STON1: variants seen among roughly 807,000 people sequenced by gnomAD.
STON1 encodes the protein stonin 1.
Under a neutral mutation model 60.9 loss-of-function variants are expected in STON1, and 79 were observed. The observed-to-expected ratio is 1.30, with a 90% CI of 1.08 to 1.56. STON1 has a LOEUF of 1.56. STON1 is among the 40% of genes most tolerant of loss of function. The pLI is 0.00. For synonymous variants in STON1, 363 were observed against 306.9 expected (o/e 1.18, Z -1.91); for missense variants, 1,166 against 858.9 (o/e 1.36, Z -4.47).
chr2:48,567,365 C>G (rs993459264), intron 1 of STON1, among the ~76,000 whole-genome samples: 1 of 152,178 alleles, frequency 6.6e-6, no homozygotes, highest in East Asian at 1.9e-4. Context: ...CAAACTTTCG[C>G]TTTCCCCTTT....
intron 3 of STON1, among the ~76,000 whole-genome samples, chr2:48,594,755 T>C (rs1674706237): frequency 6.6e-6 from 1 of 152,116 alleles, no homozygotes; most frequent in African/African-American, 2.4e-5. Context: ...GCTGCAAAAG[T>C]AATCACGGTT....
chr2:48,545,732 C>T (rs549034533), intron 1 of STON1, among the ~76,000 whole-genome samples: 2 of 152,350 alleles, frequency 1.3e-5, no homozygotes, highest in South Asian at 2.1e-4. Flanking sequence ...CTTGACTTCT[C>T]AGTCCTTCCC....
At chr2:48,588,013 A>G (rs1394592150) in intron 2 of STON1, among the ~76,000 whole-genome samples, 4 of 152,168 alleles carry the variant, frequency 2.6e-5, no homozygotes, top group Non-Finnish European at 5.9e-5. Context: ...GCTATAAGCT[A>G]ATTTGCCTCT....
rs1267055988 is a variant in STON1 at position 48,595,243 on chromosome 2, A to C, written c.2149A>C (p.Lys717Gln). Residue 717 changes from lysine (K) to glutamine (Q), a missense_variant, in exon 4 of 4, where the codon AAG becomes CAG. Transcript: ENST00000404752. ...TGCATAACAGGTTGAAATAGAAAAG[A>C]AGTGGATTAAAATCGATGGAGAAGA... ...CYNIQVEIEK[K>Q]WIKIDGEDPD... 6.2e-7 allele frequency: 1 copy of C among 1,613,754 alleles called. No homozygotes were observed. The highest frequency in any genetic ancestry group is 1.3e-5 in the African/African-American group (1 of 74,912).
At chr2:48,568,496 A>AG (rs1390597245) in intron 1 of STON1, among the ~76,000 whole-genome samples, 4 of 152,162 alleles carry the variant, frequency 2.6e-5, no homozygotes, top group Admixed American at 2.6e-4. Flanking sequence ...GGAGGGGAGT[A>AG]GGGGATGATG....
At chr2:48,547,805 T>C (rs970212928) in intron 1 of STON1, among the ~76,000 whole-genome samples, 32 of 152,358 alleles carry the variant, frequency 2.1e-4, no homozygotes, top group African/African-American at 7.7e-4. Context: ...TTTAATCTTG[T>C]CTACATGATA....
At chr2:48,553,778 A>G (rs912973271) in intron 1 of STON1, among the ~76,000 whole-genome samples, 4 of 152,076 alleles carry the variant, frequency 2.6e-5, no homozygotes, top group African/African-American at 9.7e-5. Context: ...GTGAGATACC[A>G]TGACTGGCCT....
At chr2:48,594,267 G>T (rs994077702) in intron 3 of STON1, among the ~76,000 whole-genome samples, 2 of 152,090 alleles carry the variant, frequency 1.3e-5, no homozygotes, top group African/African-American at 4.8e-5. Flanking sequence ...CTGAAATGTG[G>T]GTCAAGTGGC....
At chr2:48,561,891 C>T (rs193040157) in intron 1 of STON1, among the ~76,000 whole-genome samples, 2 of 152,320 alleles carry the variant, frequency 1.3e-5, no homozygotes, top group Admixed American at 1.3e-4. Context: ...AACAGAGTCT[C>T]ACTCTGTCAC....
At chr2:48,541,247 G>A (rs1389591597) in intron 1 of STON1, among the ~76,000 whole-genome samples, 2 of 151,966 alleles carry the variant, frequency 1.3e-5, no homozygotes, top group Admixed American at 1.3e-4. Flanking sequence ...GCACTCAGGA[G>A]GCTGAGGCAG....
intron 1 of STON1, among the ~76,000 whole-genome samples, chr2:48,569,823 T>G (rs1223423994): frequency 6.6e-6 from 1 of 152,234 alleles, no homozygotes; most frequent in Non-Finnish European, 1.5e-5. Flanking sequence ...TTTTGGATTT[T>G]GGAGTATTTG....
intron 1 of STON1, among the ~76,000 whole-genome samples, chr2:48,548,033 A>G (rs958844046): frequency 6.6e-6 from 1 of 152,194 alleles, no homozygotes; most frequent in Non-Finnish European, 1.5e-5. Context: ...TTGTGAAATG[A>G]TCTCAGCATG....
chr2:48,549,960 T>C (rs1672030487), intron 1 of STON1, among the ~76,000 whole-genome samples: 1 of 151,576 alleles, frequency 6.6e-6, no homozygotes, highest in Admixed American at 6.6e-5. Flanking sequence ...TGGGAGAATA[T>C]AAGTCCAGAC....
intron 1 of STON1, among the ~76,000 whole-genome samples, chr2:48,564,473 CTTCTTCTTTCTTCTT>C (rs1558604601): frequency 1.7e-4 from 9 of 51,736 alleles, no homozygotes; most frequent in South Asian, 6.5e-4. Context: ...TCTTCTTCTT[CTTCTTCTTTCTTCTT>C]CTTCTTCTTC....
intron 1 of STON1, among the ~76,000 whole-genome samples, chr2:48,578,040 A>G (rs1673620591): frequency 6.6e-6 from 1 of 151,972 alleles, no homozygotes; most frequent in African/African-American, 2.4e-5. Context: ...AAGTGCAGTG[A>G]CACAACCTTG....
chr2:48,566,110 G>A (rs953626089), intron 1 of STON1, among the ~76,000 whole-genome samples: 10 of 152,170 alleles, frequency 6.6e-5, no homozygotes, highest in Non-Finnish European at 8.8e-5. Flanking sequence ...AATAACTATT[G>A]CAACAGGGAA....
At chr2:48,530,459 C>A in intron 1 of STON1, 1 of 167,472 alleles carries the variant, frequency 6.0e-6, no homozygotes, top group Non-Finnish European at 1.3e-5. Flanking sequence ...GAGACTGCTG[C>A]TGGGACCGGG....
rs771759121 is a variant in STON1 at position 48,582,426 on chromosome 2, A to G, written c.1793A>G (p.Asn598Ser). The G allele has an allele frequency of 7.4e-6, 12 of 1,614,046 alleles. No homozygotes were observed. The Admixed American group carries it at 1.3e-4, about 18-fold the overall frequency. Residue 598 changes from asparagine (N) to serine (S), a missense_variant, in exon 2 of 4, where the codon AAC (asparagine) becomes AGC (serine). Transcript: ENST00000404752. ...CAGAAGTCTCTGAAAGCTAAAATGA[A>G]CCGCCGAGCATGTCTGGGGAGTTTA... Reference protein sequence around the residue: ...QRQKSLKAKMNRRACLGSLQE... With the variant: ...QRQKSLKAKMSRRACLGSLQE...
intron 2 of STON1, 56 bp downstream of exon 2, chr2:48,582,619 C>T: frequency 1.3e-6 from 2 of 1,553,994 alleles, no homozygotes; most frequent in African/African-American, 1.4e-5. Context: ...AATATTCTTA[C>T]CTTCCTCCTT....
Sources: gnomAD v4.1 joint callset for allele counts (sites outside exome capture counted in the v4.1 genomes callset) on GRCh38, gnomAD v4.1.1 for gene constraint, MANE v1.5 for transcripts, NCBI Gene and HGNC (gene_info 2026-07-23, HGNC 2026-07-21) for gene names.